OAT: variants seen among roughly 807,000 people sequenced by gnomAD.
The protein encoded by OAT is ornithine aminotransferase.
Under a neutral mutation model 48.4 loss-of-function variants are expected in OAT, and 35 were observed. The observed-to-expected ratio is 0.72, with a 90% CI of 0.55 to 0.96. OAT has a LOEUF of 0.96. OAT is among the 40% of genes least tolerant of loss of function. The pLI is 0.00. For synonymous variants in OAT, 182 were observed against 198.4 expected (o/e 0.92, Z 0.70); for missense variants, 438 against 537.9 (o/e 0.81, Z 1.84).
chr10:124,397,685 T>C lies in OAT; in HGVS notation c.*257A>G. The C allele has an allele frequency of 4.4e-6, 2 of 452,524 alleles. No homozygotes were observed. The highest frequency in any genetic ancestry group is 8.1e-6 in the Non-Finnish European group (2 of 248,372). The allele number at this position is 452,524 out of a possible 1,614,324, so 28.0% of individuals were successfully genotyped here. ...GAGGCTGTCTGTATATAGATGCATT[T>C]CACCTTAGGAAGTACACATGCACAT... On this transcript the variant is annotated 3_prime_UTR_variant, in exon 10 of 10. Coordinates refer to ENST00000368845, the MANE Select transcript of OAT (RefSeq NM_000274.4).
At chr10:124,400,425 C>T (rs1271741955) in intron 9 of OAT, among the ~76,000 whole-genome samples, 1 of 140,130 alleles carries the variant, frequency 7.1e-6, no homozygotes, top group African/African-American at 2.7e-5. Flanking sequence ...TCCAGCCTGG[C>T]AACAGAGCAA....
At position 124,403,892 on chromosome 10, in the gene OAT, G is replaced by A. The variant is rs121965059; in HGVS notation, c.677C>T (p.Ala226Val). 1.2e-5 allele frequency: 20 copies of A among 1,613,936 alleles called. No individual in the cohort carries two copies. The highest frequency in any genetic ancestry group is 1.5e-5 in the Non-Finnish European group (18 of 1,179,960). ...ERALQDPNVA[A>V]FMVEPIQGEA... ...ACCCTGAATTGGTTCTACCATGAAC[G>A]CAGCCACATTTGGATCCTGAAGAGC... Residue 226 changes from alanine (A) to valine (V), a missense_variant, in exon 6 of 10, where the codon GCG becomes GTG. By Grantham distance (64) the Ala-to-Val change is moderately conservative (BLOSUM62 0). Transcript: ENST00000368845.
intron 9 of OAT, 58 bp downstream of exon 9, chr10:124,400,782 A>G (rs1951384179): frequency 8.1e-7 from 1 of 1,241,520 alleles, no homozygotes; most frequent in East Asian, 2.4e-5. Context: ...ATTAAATACC[A>G]AGTGTATTTT....
chr10:124,403,957 T>C, intron 5 of OAT, 37 bp from the exon 6 acceptor site: 2 of 1,613,174 alleles, frequency 1.2e-6, no homozygotes, highest in Non-Finnish European at 1.7e-6. Flanking sequence ...AATAACTTCC[T>C]TTCTACCACA....
At chr10:124,411,843 A>G (rs1246421208) in intron 2 of OAT, 130 bp downstream of exon 2, 24 of 797,694 alleles carry the variant, frequency 3.0e-5, no homozygotes, top group Non-Finnish European at 4.9e-5. Flanking sequence ...AAGAAGAAGA[A>G]GAATTAACCA....
At chr10:124,401,008 A>C (rs1465046852) in intron 8 of OAT, 24 bp from the exon 9 acceptor site, 31 of 1,580,414 alleles carry the variant, frequency 2.0e-5, no homozygotes, top group Non-Finnish European at 2.4e-5. Context: ...AAAATTATAC[A>C]AATATTAAGA....
chr10:124,401,002 T>C lies in OAT; in HGVS notation c.1015-18A>G. 9 of 1,592,646 alleles carry C rather than the reference T, an allele frequency of 5.7e-6. No individual in the cohort carries two copies. Among genetic ancestry groups the C allele is most frequent in the Non-Finnish European group, 6.9e-6 (8 of 1,163,424 alleles). On this transcript the variant is annotated intron_variant, in intron 8 of 9. Transcript: ENST00000368845. ...TCTAAAACCTACGTTTAAAGAAAAATTATACAAATATTAAGACTGTCCTTT... is the reference window on the plus strand; with the variant it reads ...TCTAAAACCTACGTTTAAAGAAAAACTATACAAATATTAAGACTGTCCTTT...
At chr10:124,404,058 A>G in intron 5 of OAT, 138 bp from the exon 6 acceptor site, 2 of 949,910 alleles carry the variant, frequency 2.1e-6, no homozygotes, top group Non-Finnish European at 3.2e-6. Context: ...CTTCAAATTC[A>G]CTGCCATTCA....
At chr10:124,408,715 T>C (rs1200782745) in intron 3 of OAT, 26 bp downstream of exon 3, 4 of 1,588,000 alleles carry the variant, frequency 2.5e-6, no homozygotes, top group Non-Finnish European at 3.5e-6. Flanking sequence ...TTTGAGGGTA[T>C]TTAACAAAAA....
chr10:124,407,189 T>C, intron 4 of OAT: 3 of 985,454 alleles, frequency 3.0e-6, no homozygotes, highest in Non-Finnish European at 3.6e-6. Flanking sequence ...TGATTTTGAC[T>C]AGGTTTGTTT....
At chr10:124,417,596 C>A (rs979334897) in intron 1 of OAT, among the ~76,000 whole-genome samples, 1 of 152,066 alleles carries the variant, frequency 6.6e-6, no homozygotes, top group Non-Finnish European at 1.5e-5. Context: ...TAAAAATAAG[C>A]TTTTTAATTT....
At chr10:124,410,938 G>A (rs565091186) in intron 2 of OAT, among the ~76,000 whole-genome samples, 19 of 151,924 alleles carry the variant, frequency 1.3e-4, no homozygotes, top group East Asian at 3.9e-4. Context: ...TCAGGAGTTC[G>A]AGACCAGCCC....
chr10:124,400,100 GT>G (rs1198389980), intron 9 of OAT, among the ~76,000 whole-genome samples: 3 of 152,126 alleles, frequency 2.0e-5, no homozygotes, highest in African/African-American at 7.2e-5. Flanking sequence ...TGTCTAAAAG[GT>G]TTGGTCATTA....
At chr10:124,405,348 C>G (rs1051337985) in intron 5 of OAT, 88 bp downstream of exon 5, 2 of 1,577,658 alleles carry the variant, frequency 1.3e-6, no homozygotes, top group Admixed American at 1.7e-5. Context: ...ATTTGCATTA[C>G]TGTCATATAA....
chr10:124,408,722 A>G lies in OAT; in HGVS notation c.424+19T>C, dbSNP rs1414369720. ...AGATTATTTTTGAGGGTATTTAACA[A>G]AAAAAGGAAATGTTTTACCTGTATT... On this transcript the variant is annotated intron_variant, in intron 3 of 9. Transcript: ENST00000368845. 10 of 1,593,510 alleles carry G rather than the reference A, an allele frequency of 6.3e-6. No homozygotes were observed. The highest frequency in any genetic ancestry group is 8.6e-6 in the Non-Finnish European group (10 of 1,161,982).
chr10:124,415,735 G>A (rs1284262907), intron 1 of OAT, among the ~76,000 whole-genome samples: 1 of 152,072 alleles, frequency 6.6e-6, no homozygotes, highest in African/African-American at 2.4e-5. Flanking sequence ...AGTAACTCTG[G>A]GTGATTCTGT....
intron 1 of OAT, among the ~76,000 whole-genome samples, chr10:124,413,297 CACACACACACACAT>C (rs909773058): frequency 1.2e-4 from 17 of 146,220 alleles, no homozygotes; most frequent in South Asian, 2.2e-4. Context: ...CACACACACA[CACACACACACACAT>C]ATATGAGATT....
At chr10:124,413,432 T>A (rs1951820994) in intron 1 of OAT, among the ~76,000 whole-genome samples, 2 of 152,100 alleles carry the variant, frequency 1.3e-5, no homozygotes, top group African/African-American at 4.8e-5. Context: ...ATGCCTATAA[T>A]CCCAGCACTT....
chr10:124,398,136 G>A, intron 9 of OAT, 34 bp from the exon 10 acceptor site: 1 of 1,612,036 alleles, frequency 6.2e-7, no homozygotes, highest in South Asian at 1.1e-5. Context: ...CATGCTCAAA[G>A]ATAAACGTTT....
Sources: allele counts gnomAD v4.1 joint callset (sites outside exome capture counted in the v4.1 genomes callset), GRCh38; gene constraint gnomAD v4.1.1; transcripts MANE v1.5; gene names NCBI Gene and HGNC (gene_info 2026-07-23, HGNC 2026-07-21).